The following SHROOM3 variants were observed in gnomAD, a reference collection of about 807,000 sequenced individuals.
SHROOM3 encodes the protein shroom family member 3, also known as protein Shroom3.
Under a neutral mutation model 138.6 loss-of-function variants are expected in SHROOM3, and 47 were observed. The ratio of observed to expected loss-of-function variants is 0.34; its 90% CI spans 0.27 to 0.43. SHROOM3 has a LOEUF of 0.43. Among genes scored for constraint, SHROOM3 ranks in the 20% least tolerant of loss-of-function variants. The pLI, the probability that SHROOM3 is intolerant of heterozygous loss-of-function variation, is 1.00. For missense variants in SHROOM3, 2,491 were observed against 2,596.5 expected (o/e 0.96, Z 0.88); for synonymous variants, 1,062 against 1,063.3 (o/e 1.00, Z 0.02).
chr4:76,450,689 T>A (rs1028317535), intron 1 of SHROOM3, among the ~76,000 whole-genome samples: 1 of 152,160 alleles, frequency 6.6e-6, no homozygotes, highest in African/African-American at 2.4e-5. Flanking sequence ...AGAAAGTAGA[T>A]GAAAGATTGC....
chr4:76,781,627 A>ATG lies in SHROOM3; in HGVS notation c.*2453_*2454dup, dbSNP rs1386115500. 6.6e-6 allele frequency: 1 copy of ATG among 152,216 alleles called. No homozygotes were observed. Among genetic ancestry groups the ATG allele is most frequent in the Non-Finnish European group, 1.5e-5 (1 of 68,034 alleles). The allele number at this position is 152,216 out of a possible 1,614,324, so 9.4% of individuals were successfully genotyped here. A position where few individuals can be genotyped will look rare whatever the true frequency, so the allele number is the denominator to read the frequency against. On this transcript the variant is annotated 3_prime_UTR_variant, in exon 11 of 11. Coordinates refer to ENST00000296043, the MANE Select transcript of SHROOM3 (RefSeq NM_020859.4). Reference sequence around the variant, plus strand: ...ACTTTGAAATCTAATTTTTAGGTGGATGTGATATTTATTGTAATAGGACTT... The same window carrying ATG: ...ACTTTGAAATCTAATTTTTAGGTGGATGTGTGATATTTATTGTAATAGGACTT...
chr4:76,594,929 T>G (rs1021470992), intron 2 of SHROOM3, among the ~76,000 whole-genome samples: 1 of 152,304 alleles, frequency 6.6e-6, no homozygotes, highest in Middle Eastern at 3.4e-3. Flanking sequence ...TATCAAGATA[T>G]GAAGGAAGCT....
intron 2 of SHROOM3, among the ~76,000 whole-genome samples, chr4:76,576,758 C>T (rs1037856790): frequency 9.9e-5 from 15 of 151,322 alleles, no homozygotes; most frequent in Non-Finnish European, 1.8e-4. Context: ...TCTCACGTAC[C>T]CCATAAATGT....
At chr4:76,754,245 A>G in intron 6 of SHROOM3, 66 bp from the exon 7 acceptor site, 1 of 1,592,644 alleles carries the variant, frequency 6.3e-7, no homozygotes, top group Admixed American at 1.7e-5. Flanking sequence ...CTATGTAAGG[A>G]GCATTGGGCT....
At chr4:76,646,760 C>T (rs1735830196) in intron 2 of SHROOM3, among the ~76,000 whole-genome samples, 2 of 152,028 alleles carry the variant, frequency 1.3e-5, no homozygotes, top group African/African-American at 4.8e-5. Context: ...ATGAAAAGCA[C>T]AAAAAATAAC....
At chr4:76,736,819 T>C in intron 4 of SHROOM3, among the ~76,000 whole-genome samples, 1 of 152,006 alleles carries the variant, frequency 6.6e-6, no homozygotes, top group Non-Finnish European at 1.5e-5. Flanking sequence ...AGTCCAGAGA[T>C]TTCCCATATA....
chr4:76,542,742 G>T (rs13125952), intron 1 of SHROOM3, among the ~76,000 whole-genome samples: 13,620 of 152,284 alleles, frequency 0.089, 705 homozygotes, highest in East Asian at 0.16. Flanking sequence ...CTCCAGAACT[G>T]TAAAATACTA....
intron 3 of SHROOM3, among the ~76,000 whole-genome samples, chr4:76,712,044 T>A (rs1470411418): frequency 6.6e-6 from 1 of 152,108 alleles, no homozygotes; most frequent in Non-Finnish European, 1.5e-5. Flanking sequence ...CCTGCTAGGA[T>A]CTTTAAAATA....
At chr4:76,755,587 G>C (rs886669056) in intron 7 of SHROOM3, among the ~76,000 whole-genome samples, 1 of 152,174 alleles carries the variant, frequency 6.6e-6, no homozygotes, top group Non-Finnish European at 1.5e-5. Flanking sequence ...GCTTCAGATT[G>C]TAAGTGGGTC....
At chr4:76,561,395 C>G (rs964292871) in intron 2 of SHROOM3, among the ~76,000 whole-genome samples, 3 of 152,052 alleles carry the variant, frequency 2.0e-5, no homozygotes, top group African/African-American at 7.2e-5. Flanking sequence ...TATGTATATG[C>G]CAGGCTATAT....
intron 1 of SHROOM3, among the ~76,000 whole-genome samples, chr4:76,551,874 T>A (rs943634655): frequency 2.0e-5 from 3 of 147,376 alleles, no homozygotes; most frequent in Non-Finnish European, 4.6e-5. Flanking sequence ...ATTATTATTT[T>A]TTTTTGAGAC....
intron 1 of SHROOM3, among the ~76,000 whole-genome samples, chr4:76,475,311 T>C (rs1731464024): frequency 6.6e-6 from 1 of 152,234 alleles, no homozygotes; most frequent in Non-Finnish European, 1.5e-5. Flanking sequence ...AACATAACTG[T>C]ATTAGTCTAA....
chr4:76,768,132 A>G (rs1293823086), intron 9 of SHROOM3, among the ~76,000 whole-genome samples: 1 of 152,250 alleles, frequency 6.6e-6, no homozygotes. Flanking sequence ...CTGACTTCAC[A>G]TAGATGACAT....
rs936309613 is a variant in SHROOM3, at chr4:76,779,082, G to C, written c.5896G>C (p.Ala1966Pro). 2.5e-6 allele frequency: 4 copies of C among 1,614,072 alleles called. No individual in the cohort carries two copies. Among genetic ancestry groups the C allele is most frequent in the Non-Finnish European group, 3.4e-6 (4 of 1,180,046 alleles). ...CTCAGATTTCATTCCCAAGGCTGGG[G>C]CCCTGGCTCTGCCCCCAAACCTCAC... ...LPSDFIPKAG[A>P]LALPPNLTSE... The change falls in exon 11 of 11, where the codon GCC (alanine) becomes CCC (proline). Residue 1966 changes from alanine (A) to proline (P), a missense_variant. Physicochemically the swap from Ala to Pro is conservative, Grantham distance 27. Transcript: ENST00000296043.
At chr4:76,563,895 T>C (rs1400974840) in intron 2 of SHROOM3, among the ~76,000 whole-genome samples, 7 of 152,342 alleles carry the variant, frequency 4.6e-5, no homozygotes, top group East Asian at 1.9e-4. Flanking sequence ...GGCCCGATGC[T>C]GTGCTCTGTG....
At chr4:76,551,244 T>C (rs188948377) in intron 1 of SHROOM3, among the ~76,000 whole-genome samples, 19 of 152,246 alleles carry the variant, frequency 1.2e-4, no homozygotes, top group African/African-American at 3.6e-4. Context: ...AGAAATAGTT[T>C]ATAAGAACAG....
At chr4:76,570,090 G>A (rs1439482734) in intron 2 of SHROOM3, among the ~76,000 whole-genome samples, 1 of 151,894 alleles carries the variant, frequency 6.6e-6, no homozygotes, top group African/African-American at 2.4e-5. Flanking sequence ...TTTGGGGATG[G>A]TTTTTATTTC....
chr4:76,583,272 A>T (rs146939755), intron 2 of SHROOM3, among the ~76,000 whole-genome samples: 102 of 152,260 alleles, frequency 6.7e-4, no homozygotes, highest in Non-Finnish European at 1.0e-3. Context: ...TCCAGACTTG[A>T]GGACCCCTGA....
At chr4:76,635,742 T>A (rs1056374925) in intron 2 of SHROOM3, among the ~76,000 whole-genome samples, 1 of 152,192 alleles carries the variant, frequency 6.6e-6, no homozygotes, top group African/African-American at 2.4e-5. Context: ...AGAGTAATCT[T>A]AGGTGCTCAG....
Sources: gnomAD v4.1 joint callset for allele counts (sites outside exome capture counted in the v4.1 genomes callset) on GRCh38, gnomAD v4.1.1 for gene constraint, MANE v1.5 for transcripts, NCBI Gene and HGNC (gene_info 2026-07-23, HGNC 2026-07-21) for gene names.